XKR9: variants seen among roughly 807,000 people sequenced by gnomAD.
XKR9 encodes XK-related protein 9.
XKR9 carries 32 observed loss-of-function variants against 32.0 expected under a neutral mutation model. The observed-to-expected ratio is 1.00, with a 90% CI of 0.76 to 1.34. The LOEUF (loss-of-function observed/expected upper bound fraction) is 1.34, where lower values mean the gene tolerates loss of function less well. XKR9 is among the 40% of genes most tolerant of loss of function. The probability of loss-of-function intolerance (pLI) is 0.00; values close to 1 mark genes in which losing one functional copy is unlikely to be tolerated. For missense variants in XKR9, 546 were observed against 429.7 expected, an observed-to-expected ratio of 1.27 and a Z score of -2.39; for synonymous variants, 168 against 143.4, an observed-to-expected ratio of 1.17 and a Z score of -1.22.
At chr8:70,905,426 G>T in the XKR9 span, among the ~76,000 whole-genome samples, 3 of 151,942 alleles carry the variant, frequency 2.0e-5, no homozygotes, top group Non-Finnish European at 4.4e-5. Context: ...ACTGAATCTT[G>T]TGCATGCCTC....
At chr8:71,056,881 T>C in the XKR9 span, among the ~76,000 whole-genome samples, 1 of 152,208 alleles carries the variant, frequency 6.6e-6, no homozygotes, top group African/African-American at 2.4e-5. Context: ...ATTGAGAGGA[T>C]TTCCCCAATT....
intron 3 of XKR9, among the ~76,000 whole-genome samples, chr8:70,700,735 A>G (rs1365902281): frequency 6.6e-6 from 1 of 152,306 alleles, no homozygotes; most frequent in East Asian, 1.9e-4. Flanking sequence ...GGGACATTGA[A>G]GTCTGCAGAG....
the XKR9 span, among the ~76,000 whole-genome samples, chr8:71,010,080 C>G: frequency 6.6e-6 from 1 of 152,172 alleles, no homozygotes; most frequent in African/African-American, 2.4e-5. Context: ...GTTATTTAAT[C>G]TCTCTGAACT....
chr8:70,718,364 TTACATAGGTA>T (rs1806160845), intron 4 of XKR9, among the ~76,000 whole-genome samples: 1 of 152,174 alleles, frequency 6.6e-6, no homozygotes, highest in Non-Finnish European at 1.5e-5. Context: ...TGCAGGTTTG[TTACATAGGTA>T]TACATGTGCC....
the XKR9 span, among the ~76,000 whole-genome samples, chr8:70,956,655 G>A: frequency 2.6e-5 from 4 of 152,122 alleles, no homozygotes; most frequent in African/African-American, 9.7e-5. Context: ...TCAGACCCCA[G>A]CCCCCCTCCC....
the XKR9 span, among the ~76,000 whole-genome samples, chr8:71,001,328 C>T: frequency 6.6e-6 from 1 of 152,126 alleles, no homozygotes; most frequent in South Asian, 2.1e-4. Context: ...GCAGCACCAT[C>T]ACGGCTTACT....
At chr8:70,793,736 A>G (rs1586901134), downstream of XKR9, among the ~76,000 whole-genome samples, 1 of 152,030 alleles carries the variant, frequency 6.6e-6, no homozygotes, top group African/African-American at 2.4e-5. Context: ...TCAGTTCCAC[A>G]CTGTCTTGAT....
the XKR9 span, among the ~76,000 whole-genome samples, chr8:71,012,583 A>G: frequency 1.3e-5 from 2 of 152,156 alleles, no homozygotes; most frequent in African/African-American, 4.8e-5. Context: ...TCTTACCCCA[A>G]TTCAGCCCTT....
the XKR9 span, among the ~76,000 whole-genome samples, chr8:71,013,856 CTT>C: frequency 1.3e-5 from 2 of 152,142 alleles, no homozygotes; most frequent in African/African-American, 4.8e-5. Flanking sequence ...GAAAGAAAGA[CTT>C]TAACTCAATA....
intron 2 of XKR9, among the ~76,000 whole-genome samples, chr8:70,788,633 A>G (rs1405054655): frequency 6.6e-6 from 1 of 152,260 alleles, no homozygotes; most frequent in Non-Finnish European, 1.5e-5. Flanking sequence ...GTGATTAAAA[A>G]GTTAGATATC....
At chr8:70,808,567 C>T in the XKR9 span, among the ~76,000 whole-genome samples, 1 of 152,174 alleles carries the variant, frequency 6.6e-6, no homozygotes, top group East Asian at 1.9e-4. Flanking sequence ...GGGTGACAGA[C>T]AGCACCTGGA....
chr8:70,940,511 A>G, the XKR9 span, among the ~76,000 whole-genome samples: 1 of 152,038 alleles, frequency 6.6e-6, no homozygotes, highest in African/African-American at 2.4e-5. Context: ...AATTATACTT[A>G]TCTCTTAGGT....
intron 2 of XKR9, among the ~76,000 whole-genome samples, chr8:70,752,887 G>C (rs1428542325): frequency 6.6e-6 from 1 of 152,176 alleles, no homozygotes; most frequent in Non-Finnish European, 1.5e-5. Flanking sequence ...ACATTCAAAA[G>C]CTAGCAGAAG....
At chr8:71,032,379 T>G in the XKR9 span, among the ~76,000 whole-genome samples, 1 of 151,332 alleles carries the variant, frequency 6.6e-6, no homozygotes, top group Non-Finnish European at 1.5e-5. Flanking sequence ...TCTTTAGCTA[T>G]CAAGTGTTTA....
intron 2 of XKR9, among the ~76,000 whole-genome samples, chr8:70,755,920 T>TA (rs933767656): frequency 5.3e-5 from 8 of 151,586 alleles, no homozygotes; most frequent in Admixed American, 2.0e-4. Flanking sequence ...TAATAATAAT[T>TA]AAAAAAAAGA....
chr8:71,022,942 TG>T, the XKR9 span, among the ~76,000 whole-genome samples: 1 of 152,120 alleles, frequency 6.6e-6, no homozygotes, highest in Non-Finnish European at 1.5e-5. Flanking sequence ...GTTTCTGCTT[TG>T]TTTTTTTTTA....
At chr8:71,012,452 G>A in the XKR9 span, among the ~76,000 whole-genome samples, 2 of 152,270 alleles carry the variant, frequency 1.3e-5, no homozygotes, top group Admixed American at 6.5e-5. Context: ...ACTGCTCTAA[G>A]CTTTTGGCTC....
the XKR9 span, among the ~76,000 whole-genome samples, chr8:70,934,665 A>T: frequency 6.6e-6 from 1 of 152,038 alleles, no homozygotes; most frequent in Admixed American, 6.6e-5. Flanking sequence ...GGGGAAGAGA[A>T]TTAAGCAATG....
intron 4 of XKR9, among the ~76,000 whole-genome samples, chr8:70,709,590 A>G (rs1281612729): frequency 6.6e-6 from 1 of 152,198 alleles, no homozygotes; most frequent in Non-Finnish European, 1.5e-5. Context: ...GAACTGATAA[A>G]CAACTTCAGT....
Sources: gnomAD v4.1 joint callset for allele counts (sites outside exome capture counted in the v4.1 genomes callset) on GRCh38, gnomAD v4.1.1 for gene constraint, MANE v1.5 for transcripts, NCBI Gene and HGNC (gene_info 2026-07-23, HGNC 2026-07-21) for gene names.